ALDH1A1: variants seen among roughly 807,000 people sequenced by gnomAD.
ALDH1A1 encodes the protein aldehyde dehydrogenase 1 family member A1.
In ALDH1A1, 19 loss-of-function variants were observed where a neutral mutation model predicts 62.1. That is an observed-to-expected ratio of 0.31 (90% CI 0.21 to 0.45). The LOEUF (loss-of-function observed/expected upper bound fraction) is 0.45. ALDH1A1 is among the 20% of genes least tolerant of loss of function. The pLI, the probability that ALDH1A1 is intolerant of heterozygous loss-of-function variation, is 1.00. For missense variants in ALDH1A1, 521 were observed against 607.1 expected (o/e 0.86, Z 1.49); for synonymous variants, 231 against 215.9 (o/e 1.07, Z -0.61).
Position 72,948,327 on chromosome 9 carries a change from C to G in ALDH1A1, c.66+4608G>C, listed in dbSNP as rs949271052. Among the ~76,000 whole-genome samples the G allele has an allele frequency of 3.3e-5, 5 of 152,022 alleles. No individual in the cohort carries two copies. In the South Asian group the frequency reaches 1.0e-3, roughly 32 times the overall value. ...CAGCATCACAGCACAATCAGCTTTG[C>G]GTTGAACATAAGTCCTTTCCTGTTT... On this transcript the variant is annotated intron_variant, in intron 1 of 12. Transcript: ENST00000297785.
At chr9:72,901,997 G>A (rs1192002809) in intron 12 of ALDH1A1, among the ~76,000 whole-genome samples, 1 of 151,970 alleles carries the variant, frequency 6.6e-6, no homozygotes, top group Admixed American at 6.6e-5. Flanking sequence ...TTAAGAGGAG[G>A]AAGATGATAG....
intron 11 of ALDH1A1, among the ~76,000 whole-genome samples, chr9:72,908,591 GAAAGAA>G (rs1564622783): frequency 6.9e-6 from 1 of 144,246 alleles, no homozygotes; most frequent in Non-Finnish European, 1.5e-5. Flanking sequence ...AAGAAAGAAA[GAAAGAA>G]AGAAAGAAAG....
At position 72,911,156 on chromosome 9, in the gene ALDH1A1, A is replaced by G. The variant is rs548548350; in HGVS notation, c.1200+802T>C. ...ATTATATATGTATACAGACACACAT[A>G]TATACACTCACCAAACACTTAACTG... On this transcript the variant is annotated intron_variant, in intron 10 of 12. Coordinates refer to ENST00000297785, the MANE Select transcript of ALDH1A1 (RefSeq NM_000689.5). 2.0e-5 allele frequency among the ~76,000 whole-genome samples: 3 copies of G among 152,244 alleles called. No homozygotes were observed. In the South Asian group the frequency reaches 6.2e-4, roughly 32 times the overall value.
At chr9:72,949,861 A>G (rs1830521151) in intron 1 of ALDH1A1, among the ~76,000 whole-genome samples, 1 of 151,408 alleles carries the variant, frequency 6.6e-6, no homozygotes, top group Admixed American at 6.6e-5. Flanking sequence ...AAGAAAAAAG[A>G]AAAGGTAAAA....
chr9:72,933,610 A>G (rs112596047), intron 2 of ALDH1A1, among the ~76,000 whole-genome samples: 20 of 119,020 alleles, frequency 1.7e-4, no homozygotes, highest in African/African-American at 3.0e-4. Context: ...AAAAAAAAAA[A>G]AAAGAAAAAG....
chr9:72,943,843 T>C (rs1246691869), intron 1 of ALDH1A1, among the ~76,000 whole-genome samples: 1 of 151,974 alleles, frequency 6.6e-6, no homozygotes, highest in Non-Finnish European at 1.5e-5. Context: ...AATTAAAGAC[T>C]GTGGAGCAAA....
chr9:72,914,748 T>TA (rs8187962), intron 9 of ALDH1A1, among the ~76,000 whole-genome samples: 8 of 150,220 alleles, frequency 5.3e-5, no homozygotes, highest in Non-Finnish European at 8.9e-5. Flanking sequence ...TATATATATA[T>TA]TTTGTAATTG....
chr9:72,930,738 G>T, intron 3 of ALDH1A1, 141 bp downstream of exon 3: 2 of 840,088 alleles, frequency 2.4e-6, no homozygotes, highest in East Asian at 2.5e-5. Flanking sequence ...ATGTTAAGGG[G>T]CCTATTCATT....
chr9:72,925,143 G>A (rs1212138374), intron 6 of ALDH1A1, among the ~76,000 whole-genome samples: 1 of 152,182 alleles, frequency 6.6e-6, no homozygotes, highest in East Asian at 1.9e-4. Flanking sequence ...GCCATCAGTG[G>A]CAGGTACAAA....
At chr9:72,945,963 G>A (rs1204337242) in intron 1 of ALDH1A1, among the ~76,000 whole-genome samples, 1 of 151,978 alleles carries the variant, frequency 6.6e-6, no homozygotes, top group Non-Finnish European at 1.5e-5. Flanking sequence ...AGTAACGTGA[G>A]TATATACTCT....
At chr9:72,910,134 T>C (rs1829964429) in intron 10 of ALDH1A1, among the ~76,000 whole-genome samples, 1 of 152,164 alleles carries the variant, frequency 6.6e-6, no homozygotes, top group South Asian at 2.1e-4. Flanking sequence ...TCACTACACA[T>C]AGTAACAAGT....
At position 72,912,138 on chromosome 9, in the gene ALDH1A1, C is replaced by A. The variant is rs763846048; in HGVS notation, c.1036-16G>T. On this transcript the variant is annotated splice_polypyrimidine_tract_variant and intron_variant, in intron 9 of 12. Transcript: ENST00000297785. ...CCTTGTCAATCTATTTGAAAAATATCACATGAAAAGAAAAAAAGTAGTCAC... is the reference window on the plus strand; with the variant it reads ...CCTTGTCAATCTATTTGAAAAATATAACATGAAAAGAAAAAAAGTAGTCAC... The A allele has an allele frequency of 5.0e-6, 8 of 1,602,086 alleles. No individual in the cohort carries two copies. The Admixed American group carries it at 5.2e-5, about 10-fold the overall frequency.
chr9:72,908,479 A>G (rs1829909888), intron 11 of ALDH1A1, among the ~76,000 whole-genome samples: 2 of 142,416 alleles, frequency 1.4e-5, no homozygotes, highest in African/African-American at 2.6e-5. Flanking sequence ...AAAAGAAAAG[A>G]GAGAAAGAGA....
At chr9:72,920,634 A>G (rs1830128319) in intron 7 of ALDH1A1, among the ~76,000 whole-genome samples, 1 of 152,254 alleles carries the variant, frequency 6.6e-6, no homozygotes, top group Admixed American at 6.5e-5. Flanking sequence ...TGAATGAGAA[A>G]GAAAGTCTAC....
chr9:72,930,671 A>C (rs1830269577), intron 3 of ALDH1A1, among the ~76,000 whole-genome samples: 1 of 152,182 alleles, frequency 6.6e-6, no homozygotes, highest in African/African-American at 2.4e-5. Context: ...CTATTATGGG[A>C]GCAGAAATTA....
intron 12 of ALDH1A1, among the ~76,000 whole-genome samples, chr9:72,904,067 A>G (rs1417837220): frequency 6.6e-6 from 1 of 152,102 alleles, no homozygotes; most frequent in African/African-American, 2.4e-5. Context: ...TTTAACTCCC[A>G]CAAGAACTCT....
intron 2 of ALDH1A1, among the ~76,000 whole-genome samples, chr9:72,931,258 T>A (rs1251503953): frequency 6.6e-6 from 1 of 152,202 alleles, no homozygotes; most frequent in Non-Finnish European, 1.5e-5. Flanking sequence ...AGAATATAAG[T>A]GTTTTATGAT....
intron 11 of ALDH1A1, among the ~76,000 whole-genome samples, chr9:72,908,569 AAGAAAGAAAGAAAG>A (rs1829925173): frequency 1.9e-5 from 1 of 52,716 alleles, no homozygotes; most frequent in Admixed American, 2.3e-4. Context: ...GAAAGAAAGA[AAGAAAGAAAGAAAG>A]AAAGAAAGAA....
intron 7 of ALDH1A1, among the ~76,000 whole-genome samples, chr9:72,921,240 C>CA (rs1025687679): frequency 0.045 from 3,585 of 78,808 alleles, 120 homozygotes; most frequent in African/African-American, 0.11. Context: ...CGACTCCTCT[C>CA]AAAAAAAAAA....
Sources: gnomAD v4.1 joint callset for allele counts (sites outside exome capture counted in the v4.1 genomes callset) on GRCh38, gnomAD v4.1.1 for gene constraint, MANE v1.5 for transcripts, NCBI Gene and HGNC (gene_info 2026-07-23, HGNC 2026-07-21) for gene names.